Variants in KAZN observed in about 807,000 individuals in gnomAD.
KAZN encodes kazrin, periplakin interacting protein.
In KAZN, 40 loss-of-function variants were observed where a neutral mutation model predicts 87.4. That is an observed-to-expected ratio of 0.46 (90% CI 0.36 to 0.60). The LOEUF is 0.60. Among genes scored for constraint, KAZN ranks in the 20% least tolerant of loss-of-function variants. The pLI, the probability that KAZN is intolerant of heterozygous loss-of-function variation, is 0.00. For missense variants in KAZN, 898 were observed against 1,073.9 expected, an observed-to-expected ratio of 0.84 and a Z score of 2.29; for synonymous variants, 466 against 458.3, an observed-to-expected ratio of 1.02 and a Z score of -0.22.
At chr1:14,027,057 C>T (rs1486420141) in intron 1 of KAZN, among the ~76,000 whole-genome samples, 1 of 152,162 alleles carries the variant, frequency 6.6e-6, no homozygotes, top group African/African-American at 2.4e-5. Flanking sequence ...TGAAAACCGT[C>T]TTGACATCCT....
intron 2 of KAZN, among the ~76,000 whole-genome samples, chr1:14,484,559 T>C: frequency 6.6e-6 from 1 of 152,394 alleles, no homozygotes; most frequent in African/African-American, 2.4e-5. Flanking sequence ...ATCAGTTATC[T>C]ATTGTCCCAA....
In KAZN at chr1:15,096,429, G is replaced by A. The variant is rs750223692; in HGVS notation, c.1547+1496G>A. Among the ~76,000 whole-genome samples, 17 of 152,294 alleles carry A rather than the reference G, an allele frequency of 1.1e-4. No homozygotes were observed. Among genetic ancestry groups the A allele is most frequent in the Non-Finnish European group, 2.2e-4 (15 of 68,004 alleles). Reference sequence around the variant, plus strand: ...TGCATGGGGGGAGGACGTCCCCACCGTCCTCTGCCTCCCAGGGGTGCGGCC... The same window carrying A: ...TGCATGGGGGGAGGACGTCCCCACCATCCTCTGCCTCCCAGGGGTGCGGCC... On this transcript the variant is annotated intron_variant, in intron 10 of 14. Transcript: ENST00000376030. This position sits in a 1 kb window ranked among gnomAD's most constrained non-coding sequence, Gnocchi z 4.5.
At chr1:14,274,285 A>G (rs1054554026) in intron 2 of KAZN, among the ~76,000 whole-genome samples, 4 of 152,206 alleles carry the variant, frequency 2.6e-5, no homozygotes, top group African/African-American at 7.2e-5. Flanking sequence ...TCCCTTGCTG[A>G]CATCACCATT....
chr1:14,246,552 C>G (rs1409621671), intron 2 of KAZN, among the ~76,000 whole-genome samples: 1 of 152,070 alleles, frequency 6.6e-6, no homozygotes, highest in Non-Finnish European at 1.5e-5. Context: ...ATATAACACA[C>G]TTATGAAAGA....
chr1:14,713,145 C>T (rs1642577623), intron 1 of KAZN, among the ~76,000 whole-genome samples: 1 of 152,160 alleles, frequency 6.6e-6, no homozygotes, highest in African/African-American at 2.4e-5. Flanking sequence ...GGCCACCAGG[C>T]TCTGCTCTGT....
At chr1:14,740,171 A>G (rs1644044571) in intron 1 of KAZN, among the ~76,000 whole-genome samples, 1 of 152,138 alleles carries the variant, frequency 6.6e-6, no homozygotes, top group Non-Finnish European at 1.5e-5. Flanking sequence ...TGGTCCCTCC[A>G]CAGGCAGCTG....
chr1:14,120,692 G>A (rs2101700901), intron 1 of KAZN, among the ~76,000 whole-genome samples: 1 of 152,238 alleles, frequency 6.6e-6, no homozygotes, highest in Non-Finnish European at 1.5e-5. Context: ...GGAGGGGATT[G>A]GCAGTGTTCT....
At chr1:14,834,004 C>T (rs1001296533) in intron 1 of KAZN, among the ~76,000 whole-genome samples, 1 of 135,312 alleles carries the variant, frequency 7.4e-6, no homozygotes, top group African/African-American at 2.6e-5. Context: ...CACACACACA[C>T]ACACATACAC....
At chr1:14,273,859 G>T (rs6694249) in intron 2 of KAZN, among the ~76,000 whole-genome samples, 1 of 151,682 alleles carries the variant, frequency 6.6e-6, no homozygotes, top group Non-Finnish European at 1.5e-5. Context: ...ATTATTCTCT[G>T]GGGCTTTGAT....
At chr1:14,633,937 C>T in intron 1 of KAZN, among the ~76,000 whole-genome samples, 1 of 151,796 alleles carries the variant, frequency 6.6e-6, no homozygotes, top group Middle Eastern at 3.2e-3. Flanking sequence ...ATGAAAAATA[C>T]CACAATTGCT....
At chr1:13,976,610 C>T (rs1432203997) in intron 1 of KAZN, among the ~76,000 whole-genome samples, 3 of 151,860 alleles carry the variant, frequency 2.0e-5, no homozygotes, top group Admixed American at 2.0e-4. Flanking sequence ...GTTCATTAGG[C>T]AATTGTACAT....
At chr1:14,857,224 A>T (rs1341160673) in intron 1 of KAZN, among the ~76,000 whole-genome samples, 1 of 152,164 alleles carries the variant, frequency 6.6e-6, no homozygotes, top group Admixed American at 6.5e-5. Context: ...AAATTAGTGT[A>T]TGTCAAGCAC....
At chr1:13,985,994 G>T (rs992941457) in intron 1 of KAZN, among the ~76,000 whole-genome samples, 4 of 152,156 alleles carry the variant, frequency 2.6e-5, no homozygotes, top group Non-Finnish European at 5.9e-5. Context: ...GTTTTTGTGT[G>T]GGCATAAGTT....
chr1:15,091,645 T>G (rs191614189), intron 8 of KAZN, among the ~76,000 whole-genome samples: 2 of 152,234 alleles, frequency 1.3e-5, no homozygotes, highest in African/African-American at 4.8e-5. Context: ...CACCCGGCCG[T>G]GTTTTCCTTT....
At position 15,081,408 on chromosome 1, in the gene KAZN, A is replaced by G. The variant is rs1415341755; in HGVS notation, c.1223-12772A>G. 6.6e-6 allele frequency among the ~76,000 whole-genome samples: 1 copy of G among 152,234 alleles called. No homozygotes were observed. The highest frequency in any genetic ancestry group is 2.4e-5 in the African/African-American group (1 of 41,470). ...CGTGGTTGGGCCCTTGCTAGGGACT[A>G]GAGATGTCTAGGGAGCAAAACCAGG... On this transcript the variant is annotated intron_variant, in intron 8 of 14. Transcript: ENST00000376030. This position sits in a 1 kb window ranked among gnomAD's most constrained non-coding sequence, Gnocchi z 4.1.
chr1:14,858,209 C>CTTTTTTTTTTTTT (rs762613728), intron 1 of KAZN, among the ~76,000 whole-genome samples: 1,504 of 115,602 alleles, frequency 0.013, 148 homozygotes, highest in Middle Eastern at 0.033. Flanking sequence ...TTTTCTTTTT[C>CTTTTTTTTTTTTT]TTTTCTTTTT....
At chr1:14,043,421 C>T (rs897071215) in intron 1 of KAZN, among the ~76,000 whole-genome samples, 4 of 152,144 alleles carry the variant, frequency 2.6e-5, no homozygotes, top group Non-Finnish European at 4.4e-5. Context: ...ATCTGAATCC[C>T]TTATTTCAGT....
At chr1:14,133,407 AAG>A (rs1491506885) in intron 1 of KAZN, among the ~76,000 whole-genome samples, 1 of 43,144 alleles carries the variant, frequency 2.3e-5, no homozygotes, top group Non-Finnish European at 4.0e-5. Flanking sequence ...GAAAGAAAGA[AAG>A]AAAGAAAGAA....
chr1:13,960,592 A>C (rs537982328), intron 1 of KAZN, among the ~76,000 whole-genome samples: 61 of 152,188 alleles, frequency 4.0e-4, no homozygotes, highest in Non-Finnish European at 8.1e-4. Flanking sequence ...TCAAAGCATG[A>C]ATGGCATGAA....
Sources: gnomAD v4.1 joint callset for allele counts (sites outside exome capture counted in the v4.1 genomes callset) on GRCh38, gnomAD v4.1.1 for gene constraint, Gnocchi (gnomAD v3.1) non-coding constraint, MANE v1.5 for transcripts, NCBI Gene and HGNC (gene_info 2026-07-23, HGNC 2026-07-21) for gene names.